The following RNF10 variants were observed in gnomAD, a reference collection of about 807,000 sequenced individuals.
RNF10 encodes E3 ubiquitin-protein ligase RNF10.
RNF10 carries 38 observed loss-of-function variants against 91.4 expected under a neutral mutation model. The observed-to-expected ratio is 0.42, with a 90% CI of 0.32 to 0.54. The LOEUF (loss-of-function observed/expected upper bound fraction) is 0.54. Among genes scored for constraint, RNF10 ranks in the 20% least tolerant of loss-of-function variants. The pLI is 0.16. For missense variants in RNF10, 945 were observed against 1,012.0 expected, an observed-to-expected ratio of 0.93 and a Z score of 0.90; for synonymous variants, 364 against 366.3, an observed-to-expected ratio of 0.99 and a Z score of 0.07.
In RNF10 at chr12:120,534,914, C is replaced by T; in HGVS notation, c.103C>T (p.Gln35Ter). 3 of 1,606,706 alleles carry T rather than the reference C, an allele frequency of 1.9e-6. No individual in the cohort carries two copies. The highest frequency in any genetic ancestry group is 2.5e-6 in the Non-Finnish European group (3 of 1,179,448). The change falls in exon 1 of 17, where the codon CAG becomes TAG. Residue 35 changes from glutamine to a stop codon, truncating the protein, a stop_gained. Coordinates refer to ENST00000325954, the MANE Select transcript of RNF10 (RefSeq NM_014868.5). LOFTEE classifies it high-confidence loss of function. ...SASSGSSKGQ[Q>*]PPRSASAGPA... Reference sequence around the variant, plus strand: ...CTCTTCGGGCAGCAGCAAAGGGCAACAGCCGCCCCGCTCCGCCTCGGCGGG... The same window carrying T: ...CTCTTCGGGCAGCAGCAAAGGGCAATAGCCGCCCCGCTCCGCCTCGGCGGG...
chr12:120,534,532 C>G lies in RNF10; in HGVS notation c.-280C>G, dbSNP rs1870433873. Reference sequence around the variant, plus strand: ...CCGGCGGGGCTCGCGCAACCTCCCTCGCCTCCCCTTCCCCCGCAGCCTCCG... The same window carrying G: ...CCGGCGGGGCTCGCGCAACCTCCCTGGCCTCCCCTTCCCCCGCAGCCTCCG... On this transcript the variant is annotated 5_prime_UTR_variant, in exon 1 of 17. Transcript: ENST00000325954. 1 of 437,936 alleles carries G rather than the reference C, an allele frequency of 2.3e-6. No homozygotes were observed. Among genetic ancestry groups the G allele is most frequent in the Non-Finnish European group, 3.5e-6 (1 of 285,464 alleles). 27.1% of individuals were successfully genotyped at this position (437,936 alleles called of 1,614,324 possible). A position where few individuals can be genotyped will look rare whatever the true frequency, so the allele number is the denominator to read the frequency against.
intron 2 of RNF10, among the ~76,000 whole-genome samples, chr12:120,549,203 T>C (rs1872703827): frequency 6.6e-6 from 1 of 152,126 alleles, no homozygotes; most frequent in South Asian, 2.1e-4. Context: ...GGAATTCTTT[T>C]CTGATTGTTC....
At chr12:120,536,366 G>A (rs1312482242) in intron 1 of RNF10, among the ~76,000 whole-genome samples, 2 of 152,136 alleles carry the variant, frequency 1.3e-5, no homozygotes, top group Admixed American at 6.6e-5. Context: ...TTGAGGCTGC[G>A]GTGAGCTATA....
At chr12:120,562,272 T>C (rs1874967935) in intron 7 of RNF10, among the ~76,000 whole-genome samples, 2 of 83,618 alleles carry the variant, frequency 2.4e-5, no homozygotes, top group South Asian at 3.6e-4. Flanking sequence ...TCTTTCTTTC[T>C]TTTTTTTTTT....
chr12:120,550,615 T>G (rs75547523), intron 2 of RNF10, among the ~76,000 whole-genome samples: 1 of 151,752 alleles, frequency 6.6e-6, no homozygotes, highest in African/African-American at 2.4e-5. Flanking sequence ...TTTTTTTTTT[T>G]GGACGAAGTC....
At chr12:120,571,366 T>G (rs1259831003) in intron 14 of RNF10, 75 bp downstream of exon 14, 1 of 1,070,792 alleles carries the variant, frequency 9.3e-7, no homozygotes, top group East Asian at 2.4e-5. Context: ...GGGAACCTCC[T>G]CCAGGGATTG....
intron 15 of RNF10, 46 bp from the exon 16 acceptor site, chr12:120,575,746 C>A (rs777508213): frequency 6.2e-7 from 1 of 1,613,624 alleles, no homozygotes; most frequent in Non-Finnish European, 8.5e-7. Flanking sequence ...AAGGCTGTTT[C>A]TAGAAAAAGA....
intron 16 of RNF10, among the ~76,000 whole-genome samples, chr12:120,576,330 C>T (rs1877389751): frequency 6.6e-6 from 1 of 152,216 alleles, no homozygotes; most frequent in African/African-American, 2.4e-5. Context: ...ATGTGCCTAG[C>T]ACTGTGCTAA....
intron 1 of RNF10, among the ~76,000 whole-genome samples, chr12:120,544,073 C>T (rs1871945511): frequency 6.6e-6 from 1 of 151,470 alleles, no homozygotes; most frequent in Admixed American, 6.6e-5. Context: ...ACTAAAAATA[C>T]AGAATTAGCC....
At chr12:120,568,158 T>C (rs1054301561) in intron 13 of RNF10, among the ~76,000 whole-genome samples, 1 of 151,712 alleles carries the variant, frequency 6.6e-6, no homozygotes, top group African/African-American at 2.4e-5. Context: ...GGTGGGGAGA[T>C]GGCTTGAGCC....
At chr12:120,549,362 G>A (rs955234387) in intron 2 of RNF10, among the ~76,000 whole-genome samples, 2 of 152,282 alleles carry the variant, frequency 1.3e-5, no homozygotes. Context: ...GGTCTACTGT[G>A]GTGAGGCTGG....
Position 120,575,779 on chromosome 12 carries a change from T to A in RNF10, c.2201-13T>A. 1 of 1,614,174 alleles carries A rather than the reference T, an allele frequency of 6.2e-7. No homozygotes were observed. Among genetic ancestry groups the A allele is most frequent in the South Asian group, 1.1e-5 (1 of 91,088 alleles). ...AGAGTTGTTTCTATAGTTTTAACAC[T>A]GGTATTTTTTAGATGAGAACAGCTT... is the stretch of plus-strand genomic sequence containing the variant. On this transcript the variant is annotated splice_polypyrimidine_tract_variant and intron_variant, in intron 15 of 16. Coordinates refer to ENST00000325954, the MANE Select transcript of RNF10 (RefSeq NM_014868.5).
rs570506510 is a variant in RNF10 at position 120,575,706 on chromosome 12, G to A, written c.2200+18G>A. 14 of 1,614,236 alleles carry A rather than the reference G, an allele frequency of 8.7e-6. No individual in the cohort carries two copies. Among genetic ancestry groups the A allele is most frequent in the Non-Finnish European group, 1.2e-5 (14 of 1,180,036 alleles). Reference sequence around the variant, plus strand: ...AAAGAAAGGTGAGGATGGTCCACTGGTGAAGGGGGAGTTTGGCTTCTTTCC... The same window carrying A: ...AAAGAAAGGTGAGGATGGTCCACTGATGAAGGGGGAGTTTGGCTTCTTTCC... On this transcript the variant is annotated intron_variant, in intron 15 of 16. Coordinates refer to ENST00000325954, the MANE Select transcript of RNF10 (RefSeq NM_014868.5).
rs573448320 is a variant in RNF10, at chr12:120,577,431, C to T, written c.*765C>T. ...TGCAGGAGAGCAGGGCCATCTGAAG[C>T]GGTAGCATTGCCACCATCTCCCTCT... On this transcript the variant is annotated 3_prime_UTR_variant, in exon 17 of 17. Transcript: ENST00000325954. 1.7e-4 allele frequency: 49 copies of T among 288,526 alleles called. 1 individual carries two copies. In the East Asian group the frequency reaches 3.4e-3, roughly 20 times the overall value. The allele number at this position is 288,526 out of a possible 1,614,324, so 17.9% of individuals were successfully genotyped here.
At chr12:120,549,052 A>G (rs1343897880) in intron 2 of RNF10, among the ~76,000 whole-genome samples, 2 of 152,110 alleles carry the variant, frequency 1.3e-5, no homozygotes, top group Non-Finnish European at 2.9e-5. Context: ...TGTGGGGAAA[A>G]GGGAGAGAAT....
intron 13 of RNF10, 130 bp from the exon 14 acceptor site, chr12:120,571,061 T>G: frequency 1.6e-6 from 1 of 636,248 alleles, no homozygotes; most frequent in Non-Finnish European, 2.8e-6. Flanking sequence ...GTTGGATCAA[T>G]GTTTGCTTTT....
chr12:120,540,904 G>C (rs147632591), intron 1 of RNF10, among the ~76,000 whole-genome samples: 4 of 151,132 alleles, frequency 2.6e-5, no homozygotes, highest in African/African-American at 9.7e-5. Flanking sequence ...GCCCAGGCTG[G>C]AGTGTAGTGG....
intron 6 of RNF10, among the ~76,000 whole-genome samples, chr12:120,558,735 A>G (rs892122890): frequency 1.3e-5 from 2 of 150,416 alleles, no homozygotes; most frequent in African/African-American, 4.9e-5. Flanking sequence ...TGCCTGGCTG[A>G]TTTTTTTTGT....
rs58304342 is a variant in RNF10, at chr12:120,569,538, C to CTTTTTTTTT, written c.2042-1650_2042-1642dup. On this transcript the variant is annotated intron_variant, in intron 13 of 16. Transcript: ENST00000325954. The stretch of plus-strand genomic sequence containing the variant: ...TAAATACATTATTTGTGATATGCAT[C>CTTTTTTTTT]TTTTTTTTTTTGAGACAGGGTCTCG... Among the ~76,000 whole-genome samples, 5 of 115,240 alleles carry CTTTTTTTTT rather than the reference C, an allele frequency of 4.3e-5. 2 individuals are homozygous for CTTTTTTTTT. Among genetic ancestry groups the CTTTTTTTTT allele is most frequent in the Non-Finnish European group, 6.9e-5 (4 of 57,602 alleles). 75.6% of individuals were successfully genotyped at this position (115,240 alleles called of 152,430 possible). A position where few individuals can be genotyped will look rare whatever the true frequency, so the allele number is the denominator to read the frequency against.
Sources: allele counts gnomAD v4.1 joint callset (sites outside exome capture counted in the v4.1 genomes callset), GRCh38; gene constraint gnomAD v4.1.1; transcripts MANE v1.5; gene names NCBI Gene and HGNC (gene_info 2026-07-23, HGNC 2026-07-21).